Variants in POU2F1 observed in about 807,000 individuals in gnomAD.
The protein encoded by POU2F1 is POU domain, class 2, transcription factor 1.
A neutral mutation model predicts 84.9 loss-of-function variants in POU2F1; 16 were observed. The ratio of observed to expected loss-of-function variants is 0.19; its 90% CI spans 0.13 to 0.29. The LOEUF (loss-of-function observed/expected upper bound fraction) is 0.29, where lower values mean the gene tolerates loss of function less well. Among genes scored for constraint, POU2F1 ranks in the 10% least tolerant of loss-of-function variants. The pLI, the probability that POU2F1 is intolerant of heterozygous loss-of-function variation, is 1.00. For missense variants in POU2F1, 738 were observed against 942.6 expected, an observed-to-expected ratio of 0.78 and a Z score of 2.84; for synonymous variants, 368 against 368.3, an observed-to-expected ratio of 1.00 and a Z score of 0.01.
intron 1 of POU2F1, among the ~76,000 whole-genome samples, chr1:167,283,984 A>C (rs1306136112): frequency 6.6e-6 from 1 of 152,170 alleles, no homozygotes; most frequent in Non-Finnish European, 1.5e-5. Context: ...AGAATTGTGG[A>C]GATAGATAAG....
intron 1 of POU2F1, among the ~76,000 whole-genome samples, chr1:167,277,628 A>G (rs753009628): frequency 1.3e-5 from 2 of 151,988 alleles, no homozygotes; most frequent in Admixed American, 6.6e-5. Flanking sequence ...TTGTCCAGAG[A>G]TGTCAGATTT....
At chr1:167,255,802 T>A (rs972869443) in intron 1 of POU2F1, among the ~76,000 whole-genome samples, 1 of 152,154 alleles carries the variant, frequency 6.6e-6, no homozygotes, top group Non-Finnish European at 1.5e-5. Context: ...CTCACCTATA[T>A]GAAGAATATG....
chr1:167,370,342 T>C (rs1282202860), intron 4 of POU2F1, 128 bp downstream of exon 4: 2 of 687,312 alleles, frequency 2.9e-6, no homozygotes, highest in Non-Finnish European at 4.3e-6. Flanking sequence ...GTGAATCTCG[T>C]GAAGATTCAA....
intron 15 of POU2F1, among the ~76,000 whole-genome samples, chr1:167,413,538 A>G (rs1650114040): frequency 6.6e-6 from 1 of 152,200 alleles, no homozygotes; most frequent in Non-Finnish European, 1.5e-5. Flanking sequence ...AAAGCTGTGC[A>G]TGGGAAAGTC....
intron 1 of POU2F1, among the ~76,000 whole-genome samples, chr1:167,273,368 C>G (rs266832): frequency 0.71 from 107,766 of 152,146 alleles, 38,451 homozygotes; most frequent in East Asian, 0.87. Context: ...GCCTCTGTGG[C>G]GACTGTGTGT....
chr1:167,338,398 ATTTGAGTTT>A, intron 2 of POU2F1: 1 of 355,902 alleles, frequency 2.8e-6, no homozygotes, highest in South Asian at 2.2e-5. Flanking sequence ...GGCTATTAGT[ATTTGAGTTT>A]TGTGGGAGTC....
chr1:167,298,904 C>T (rs1457800736), intron 1 of POU2F1, among the ~76,000 whole-genome samples: 1 of 152,124 alleles, frequency 6.6e-6, no homozygotes, highest in Non-Finnish European at 1.5e-5. Context: ...TGGCTCATGC[C>T]TGTAATCCCA....
intron 1 of POU2F1, among the ~76,000 whole-genome samples, chr1:167,246,750 A>G (rs1000186080): frequency 2.0e-5 from 3 of 152,216 alleles, no homozygotes; most frequent in Non-Finnish European, 4.4e-5. Flanking sequence ...GGAAAAAGCT[A>G]TGAACAAAGG....
At chr1:167,309,430 C>T (rs1457909502) in intron 1 of POU2F1, among the ~76,000 whole-genome samples, 1 of 152,110 alleles carries the variant, frequency 6.6e-6, no homozygotes, top group African/African-American at 2.4e-5. Context: ...ACTTCACTCT[C>T]ATTATCCTTA....
chr1:167,385,726 G>A (rs1446362622), intron 8 of POU2F1, among the ~76,000 whole-genome samples: 1 of 152,084 alleles, frequency 6.6e-6, no homozygotes. Context: ...GGTTAGGCAA[G>A]GATTTCTTAA....
chr1:167,300,715 G>A (rs779130368), intron 1 of POU2F1, among the ~76,000 whole-genome samples: 2 of 151,870 alleles, frequency 1.3e-5, no homozygotes, highest in East Asian at 1.9e-4. Flanking sequence ...CGCCCACCTC[G>A]GCCTCCCAAA....
intron 2 of POU2F1, among the ~76,000 whole-genome samples, chr1:167,336,391 G>A (rs1401964182): frequency 3.3e-5 from 5 of 152,214 alleles, no homozygotes; most frequent in African/African-American, 1.2e-4. Flanking sequence ...GTGTATTGCA[G>A]TAAAAAGTGA....
intron 2 of POU2F1, among the ~76,000 whole-genome samples, chr1:167,350,686 AAAAAG>A (rs1306535800): frequency 6.6e-6 from 1 of 151,484 alleles, no homozygotes; most frequent in South Asian, 2.1e-4. Context: ...AAAAAAAAAA[AAAAAG>A]AAAAGAAAAT....
At chr1:167,239,663 C>T (rs938282562) in intron 1 of POU2F1, among the ~76,000 whole-genome samples, 1 of 152,126 alleles carries the variant, frequency 6.6e-6, no homozygotes, top group African/African-American at 2.4e-5. Flanking sequence ...AAAGTGATCA[C>T]CTTAATACAG....
intron 2 of POU2F1, among the ~76,000 whole-genome samples, chr1:167,335,343 A>G (rs1489194045): frequency 6.6e-6 from 1 of 152,206 alleles, no homozygotes; most frequent in Non-Finnish European, 1.5e-5. Context: ...AGTGGTGTTA[A>G]TTAGGTGTTT....
intron 1 of POU2F1, among the ~76,000 whole-genome samples, chr1:167,245,411 A>ATTTTTTT: frequency 7.5e-6 from 1 of 132,466 alleles, no homozygotes; most frequent in Admixed American, 7.8e-5. Flanking sequence ...TGCCTGGCTA[A>ATTTTTTT]TTTTTTTTTT....
chr1:167,413,121 A>G lies in POU2F1; in HGVS notation c.1990+7A>G. ...ACACTGGCAACTATTCAAGGTCAGT[A>G]GAAGCCTTTTTCTTAATTTGGTGGC... is the stretch of plus-strand genomic sequence containing the variant. On this transcript the variant is annotated splice_region_variant and intron_variant, in intron 15 of 15. Transcript: ENST00000367866. The G allele has an allele frequency of 1.2e-6, 2 of 1,608,232 alleles. No homozygotes were observed. The highest frequency in any genetic ancestry group is 1.7e-6 in the Non-Finnish European group (2 of 1,174,864).
At chr1:167,300,174 A>G (rs1459852866) in intron 1 of POU2F1, among the ~76,000 whole-genome samples, 1 of 152,234 alleles carries the variant, frequency 6.6e-6, no homozygotes, top group African/African-American at 2.4e-5. Flanking sequence ...AGAAACCAAA[A>G]TACCACATTT....
At chr1:167,380,069 T>C (rs370287744) in intron 7 of POU2F1, 6 of 152,240 alleles carry the variant, frequency 3.9e-5, no homozygotes, top group African/African-American at 1.4e-4. Context: ...CTTACATGGG[T>C]GAATTACAAA....
Sources: allele counts gnomAD v4.1 joint callset (sites outside exome capture counted in the v4.1 genomes callset), GRCh38; gene constraint gnomAD v4.1.1; transcripts MANE v1.5; gene names NCBI Gene and HGNC (gene_info 2026-07-23, HGNC 2026-07-21).